The following JAKMIP3 variants were observed in gnomAD, a reference collection of about 807,000 sequenced individuals.
JAKMIP3 encodes Janus kinase and microtubule interacting protein 3, also known as janus kinase and microtubule-interacting protein 3.
JAKMIP3 carries 58 observed loss-of-function variants against 118.5 expected under a neutral mutation model. The observed-to-expected ratio is 0.49, with a 90% CI of 0.40 to 0.61. The LOEUF is 0.61. Ranked by LOEUF, JAKMIP3 falls within the 20% of genes least tolerant of loss-of-function variation. JAKMIP3 has a pLI of 0.00. For missense variants in JAKMIP3, 950 were observed against 1,109.0 expected, an observed-to-expected ratio of 0.86 and a Z score of 2.04; for synonymous variants, 486 against 451.2, an observed-to-expected ratio of 1.08 and a Z score of -0.98.
At chr10:132,042,571 C>T (rs902246120) in intron 1 of JAKMIP3, among the ~76,000 whole-genome samples, 1 of 152,146 alleles carries the variant, frequency 6.6e-6, no homozygotes, top group Non-Finnish European at 1.5e-5. Flanking sequence ...TGGAGTTCCT[C>T]CCTCCCCATC....
chr10:132,092,173 G>A (rs564508943), intron 1 of JAKMIP3, among the ~76,000 whole-genome samples: 1 of 152,078 alleles, frequency 6.6e-6, no homozygotes, highest in Non-Finnish European at 1.5e-5. Context: ...TGGGTAACCC[G>A]ACCTTTCTCT....
At chr10:132,172,091 T>C (rs2059546462) in intron 23 of JAKMIP3, among the ~76,000 whole-genome samples, 1 of 152,214 alleles carries the variant, frequency 6.6e-6, no homozygotes. Context: ...TCATCCTGTC[T>C]CTGTAGTGCC....
At chr10:132,124,835 G>T (rs2049207713) in intron 3 of JAKMIP3, among the ~76,000 whole-genome samples, 1 of 152,356 alleles carries the variant, frequency 6.6e-6, no homozygotes, top group Middle Eastern at 3.4e-3. Flanking sequence ...TCGGCTGGTG[G>T]GCAGAGCCCC....
At chr10:132,101,129 G>A (rs977078408) in intron 1 of JAKMIP3, among the ~76,000 whole-genome samples, 2 of 152,216 alleles carry the variant, frequency 1.3e-5, no homozygotes, top group African/African-American at 4.8e-5. Flanking sequence ...GAGGAGCTGG[G>A]CACTCCCAGG....
intron 3 of JAKMIP3, among the ~76,000 whole-genome samples, chr10:132,123,604 G>A (rs1383322890): frequency 2.0e-5 from 3 of 152,222 alleles, no homozygotes; most frequent in Middle Eastern, 3.2e-3. Context: ...CTGGAGACGG[G>A]TGTCAGGTAA....
chr10:132,141,775 TC>T (rs1452792287), intron 10 of JAKMIP3, 144 bp from the exon 11 acceptor site: 1 of 891,182 alleles, frequency 1.1e-6, no homozygotes, highest in Non-Finnish European at 1.7e-6. Context: ...CTGGAGCAGG[TC>T]CCCTCCCTCA....
intron 1 of JAKMIP3, among the ~76,000 whole-genome samples, chr10:132,071,932 T>TTCCTTCCTTTCC: frequency 3.7e-5 from 1 of 26,960 alleles, no homozygotes; most frequent in South Asian, 1.5e-3. Flanking sequence ...CCTTCCTTTC[T>TTCCTTCCTTTCC]TTCCTTTTTT....
chr10:132,095,210 G>A (rs988523892), intron 1 of JAKMIP3, among the ~76,000 whole-genome samples: 1 of 152,166 alleles, frequency 6.6e-6, no homozygotes, highest in African/African-American at 2.4e-5. Context: ...TCTGTCACTG[G>A]ATTCACACCC....
chr10:132,083,691 C>T (rs190718167), intron 1 of JAKMIP3, among the ~76,000 whole-genome samples: 100 of 152,296 alleles, frequency 6.6e-4, no homozygotes, highest in African/African-American at 2.3e-3. Context: ...CTTAATCCAT[C>T]TTGAGTTGAT....
rs1418534833 is a variant in JAKMIP3, at chr10:132,180,595, G to GCA, written c.*1104-1762_*1104-1761insCA. 2.9e-4 allele frequency among the ~76,000 whole-genome samples: 16 copies of GCA among 55,720 alleles called. 1 individual carries two copies. Among genetic ancestry groups the GCA allele is most frequent in the African/African-American group, 1.2e-3 (15 of 12,990 alleles). The allele number at this position is 55,720 out of a possible 152,430, so 36.6% of individuals were successfully genotyped here. ...TGTGTGTGTGCGTGCGCGTGTGTGT[G>GCA]TGCGTGCGCGTGTGTGTGTGCGTGT... On this transcript the variant is annotated intron_variant, in intron 23 of 23. Transcript: ENST00000684848.
At chr10:132,054,039 CAAAAAAAA>C (rs5789112) in intron 1 of JAKMIP3, among the ~76,000 whole-genome samples, 13 of 100,592 alleles carry the variant, frequency 1.3e-4, no homozygotes, top group South Asian at 3.6e-4. Context: ...GACTCTGTCT[CAAAAAAAA>C]AAAAAAAAAA....
rs549564638 is a variant in JAKMIP3 at position 132,073,742 on chromosome 10, C to T, written c.-138+7681C>T. 1.4e-4 allele frequency among the ~76,000 whole-genome samples: 21 copies of T among 152,310 alleles called. 2 individuals are homozygous for T. In the South Asian group the frequency reaches 4.4e-3, roughly 32 times the overall value. The stretch of plus-strand genomic sequence containing the variant: ...TGAACTCCTGGGCTCAAGCAGTCCA[C>T]TTGCCTTGGCCTTCCAAAGTGCTAG... On this transcript the variant is annotated intron_variant, in intron 1 of 23. Transcript: ENST00000684848.
In JAKMIP3 at chr10:132,098,914, T is replaced by C. The variant is rs1272557670; in HGVS notation, c.-137-5758T>C. 2.0e-5 allele frequency among the ~76,000 whole-genome samples: 3 copies of C among 152,204 alleles called. No homozygotes were observed. In the South Asian group the frequency reaches 6.2e-4, roughly 32 times the overall value. On this transcript the variant is annotated intron_variant, in intron 1 of 23. Transcript: ENST00000684848. ...TCAGTAAGCCTCCTCAGGGTGTTCT[T>C]ACACTCACCTGGGTTTGGGACCCGA... is the stretch of plus-strand genomic sequence containing the variant.
In JAKMIP3 at chr10:132,168,013, C is replaced by T. The variant is rs142883148; in HGVS notation, c.*83C>T. Reference sequence around the variant, plus strand: ...ACCAGAAAGCAGGGACAAAATGGGACGTCGCGTCTCCATCCTGAAGACCCA... The same window carrying T: ...ACCAGAAAGCAGGGACAAAATGGGATGTCGCGTCTCCATCCTGAAGACCCA... On this transcript the variant is annotated 3_prime_UTR_variant, in exon 23 of 24. Transcript: ENST00000684848. 3.1e-5 allele frequency: 40 copies of T among 1,289,608 alleles called. No individual in the cohort carries two copies. The highest frequency in any genetic ancestry group is 7.6e-5 in the African/African-American group (5 of 66,002). The allele number at this position is 1,289,608 out of a possible 1,614,324, so 79.9% of individuals were successfully genotyped here.
chr10:132,165,914 G>A (rs1341522545), intron 21 of JAKMIP3, among the ~76,000 whole-genome samples: 1 of 152,242 alleles, frequency 6.6e-6, no homozygotes, highest in Admixed American at 6.5e-5. Flanking sequence ...GGCCTTGCCG[G>A]GAGGGGACAC....
Position 132,117,628 on chromosome 10 carries a change from C to A in JAKMIP3, c.633+54C>A. The A allele has an allele frequency of 9.6e-7, 1 of 1,042,596 alleles. No individual in the cohort carries two copies. The highest frequency in any genetic ancestry group is 1.3e-6 in the Non-Finnish European group (1 of 745,004). 64.6% of individuals were successfully genotyped at this position (1,042,596 alleles called of 1,614,324 possible). A position where few individuals can be genotyped will look rare whatever the true frequency, so the allele number is the denominator to read the frequency against. ...GCGAGGGTGCAGGGGCGGGCGTGGG[C>A]GAGGGTGCAGGGGCGGGCGTGGGCG... On this transcript the variant is annotated intron_variant, in intron 3 of 23. Transcript: ENST00000684848. This position sits in a 1 kb window ranked among gnomAD's most constrained non-coding sequence, Gnocchi z 8.6.
Position 132,112,766 on chromosome 10 carries a change from C to T in JAKMIP3, c.136-4311C>T, listed in dbSNP as rs1454103021. 2.0e-5 allele frequency among the ~76,000 whole-genome samples: 3 copies of T among 152,138 alleles called. No individual in the cohort carries two copies. Among genetic ancestry groups the T allele is most frequent in the Non-Finnish European group, 4.4e-5 (3 of 68,026 alleles). ...ACGTGTCTCCTTGGACAGGGCAGCT[C>T]TCCACCTCCCCTTGGACACCGGCTC... On this transcript the variant is annotated intron_variant, in intron 2 of 23. Coordinates refer to ENST00000684848, the MANE Select transcript of JAKMIP3 (RefSeq NM_001323087.2). The surrounding 1 kb of genome is among the most constrained non-coding windows in gnomAD (Gnocchi z 4.3).
At chr10:132,174,357 A>G (rs369925674) in intron 23 of JAKMIP3, among the ~76,000 whole-genome samples, 2 of 151,964 alleles carry the variant, frequency 1.3e-5, no homozygotes, top group South Asian at 2.1e-4. Flanking sequence ...AACCCACATA[A>G]GGTTCCTTGT....
intron 1 of JAKMIP3, among the ~76,000 whole-genome samples, chr10:132,052,062 AAAT>A (rs762094880): frequency 6.6e-6 from 1 of 152,188 alleles, no homozygotes; most frequent in Non-Finnish European, 1.5e-5. Context: ...TTTCTACAAA[AAAT>A]AAAACCACAA....
Sources: gnomAD v4.1 joint callset for allele counts (sites outside exome capture counted in the v4.1 genomes callset) on GRCh38, gnomAD v4.1.1 for gene constraint, Gnocchi (gnomAD v3.1) non-coding constraint, MANE v1.5 for transcripts, NCBI Gene and HGNC (gene_info 2026-07-23, HGNC 2026-07-21) for gene names.